The following USH2A variants were observed in gnomAD, a reference collection of about 807,000 sequenced individuals.
USH2A encodes the protein usherin.
In USH2A, 443 loss-of-function variants were observed where a neutral mutation model predicts 538.9. The ratio of observed to expected loss-of-function variants is 0.82; its 90% CI spans 0.76 to 0.89. The LOEUF (loss-of-function observed/expected upper bound fraction) is 0.89, where lower values mean the gene tolerates loss of function less well. Among genes scored for constraint, USH2A ranks in the 40% least tolerant of loss-of-function variants. The pLI is 0.00. For missense variants in USH2A, 6,633 were observed against 6,324.8 expected, an observed-to-expected ratio of 1.05 and a Z score of -1.65; for synonymous variants, 2,413 against 2,273.5, an observed-to-expected ratio of 1.06 and a Z score of -1.75.
chr1:216,113,139 A>T (rs1382577705), intron 21 of USH2A, among the ~76,000 whole-genome samples: 39 of 7,326 alleles, frequency 5.3e-3, no homozygotes, highest in African/African-American at 0.016. Context: ...CCAAATGATA[A>T]AAAAAAAAAA....
At chr1:215,638,624 A>AG in intron 69 of USH2A, among the ~76,000 whole-genome samples, 1 of 150,968 alleles carries the variant, frequency 6.6e-6, no homozygotes, top group East Asian at 2.0e-4. Flanking sequence ...GTCTCAAAAA[A>AG]AAAAAAAAAA....
chr1:215,796,366 T>C (rs1662136048), intron 50 of USH2A, among the ~76,000 whole-genome samples: 2 of 152,088 alleles, frequency 1.3e-5, no homozygotes, highest in South Asian at 4.1e-4. Flanking sequence ...TGTCACATTT[T>C]GATGATTCTC....
intron 61 of USH2A, 74 bp from the exon 62 acceptor site, chr1:215,680,450 C>G: frequency 6.8e-7 from 1 of 1,477,814 alleles, no homozygotes; most frequent in Non-Finnish European, 9.4e-7. Context: ...AAGTCATTCT[C>G]TGAACCTCAT....
chr1:216,277,835 C>G (rs1432768953), intron 11 of USH2A, among the ~76,000 whole-genome samples: 1 of 152,068 alleles, frequency 6.6e-6, no homozygotes. Context: ...TCTTTTCCTT[C>G]CCTAGTTAAA....
intron 4 of USH2A, among the ~76,000 whole-genome samples, chr1:216,354,619 G>A (rs59544613): frequency 6.6e-6 from 1 of 151,914 alleles, no homozygotes; most frequent in South Asian, 2.1e-4. Flanking sequence ...GGGCTTAGCA[G>A]CAGCCTAGAC....
rs747659770 is a variant in USH2A at position 215,799,130 on chromosome 1, C to T, written c.9740-5G>A. 1 of 1,611,636 alleles carries T rather than the reference C, an allele frequency of 6.2e-7. No individual in the cohort carries two copies. Among genetic ancestry groups the T allele is most frequent in the South Asian group, 1.1e-5 (1 of 90,708 alleles). On this transcript the variant is annotated splice_region_variant and splice_polypyrimidine_tract_variant and intron_variant, in intron 49 of 71. Transcript: ENST00000307340. ...CATCTGGACAGCATACTTCACCTGT[C>T]AATTTAGGACAATAATAATCATTAC...
intron 14 of USH2A, among the ~76,000 whole-genome samples, chr1:216,229,348 C>G (rs2035630198): frequency 6.6e-6 from 1 of 151,844 alleles, no homozygotes; most frequent in African/African-American, 2.4e-5. Flanking sequence ...CAGGGTCTCG[C>G]TCTGTTGCCC....
At chr1:215,647,960 C>T (rs759611528) in intron 66 of USH2A, among the ~76,000 whole-genome samples, 2 of 152,208 alleles carry the variant, frequency 1.3e-5, no homozygotes, top group Non-Finnish European at 2.9e-5. Flanking sequence ...CATCTACACA[C>T]ACATTGCTGT....
chr1:216,077,033 C>T (rs926479995), intron 27 of USH2A, among the ~76,000 whole-genome samples: 2 of 152,098 alleles, frequency 1.3e-5, no homozygotes, highest in African/African-American at 4.8e-5. Context: ...TTGCTATCTG[C>T]TTACTAGCCA....
chr1:215,845,440 A>G (rs774098034), intron 45 of USH2A, among the ~76,000 whole-genome samples: 3 of 151,940 alleles, frequency 2.0e-5, no homozygotes, highest in African/African-American at 7.3e-5. Flanking sequence ...TCCACCTACC[A>G]TTTCTGGTGA....
chr1:215,626,705 AGAT>A (rs1162411280), intron 71 of USH2A, among the ~76,000 whole-genome samples: 1 of 152,224 alleles, frequency 6.6e-6, no homozygotes, highest in Admixed American at 6.5e-5. Flanking sequence ...CTCTGTAGTC[AGAT>A]GATGTTTTTA....
intron 35 of USH2A, among the ~76,000 whole-genome samples, chr1:215,987,940 ATTTTT>A (rs11331717): frequency 6.6e-6 from 1 of 151,354 alleles, no homozygotes; most frequent in African/African-American, 2.4e-5. Context: ...TTAATCAGCA[ATTTTT>A]TTTTGTTTTA....
intron 20 of USH2A, among the ~76,000 whole-genome samples, chr1:216,177,571 A>T (rs1430837239): frequency 1.3e-5 from 2 of 151,942 alleles, no homozygotes; most frequent in Non-Finnish European, 2.9e-5. Flanking sequence ...CCCTGAAGTG[A>T]CCCCACCACC....
At chr1:215,777,913 T>G (rs931572406) in intron 55 of USH2A, among the ~76,000 whole-genome samples, 30 of 152,214 alleles carry the variant, frequency 2.0e-4, no homozygotes, top group African/African-American at 7.0e-4. Flanking sequence ...CTTTAAATGA[T>G]AAAGCACCAC....
chr1:216,076,340 A>G (rs1390146015), intron 27 of USH2A, among the ~76,000 whole-genome samples: 1 of 152,200 alleles, frequency 6.6e-6, no homozygotes, highest in Non-Finnish European at 1.5e-5. Context: ...TTCCAGTATC[A>G]CAGACTTAGT....
intron 58 of USH2A, among the ~76,000 whole-genome samples, chr1:215,745,380 A>C (rs1013881627): frequency 1.3e-5 from 2 of 152,182 alleles, no homozygotes; most frequent in African/African-American, 4.8e-5. Context: ...TAGGGAAACC[A>C]GTTTGAAAGT....
chr1:215,886,857 CT>C (rs1665069739), intron 41 of USH2A, among the ~76,000 whole-genome samples: 1 of 151,976 alleles, frequency 6.6e-6, no homozygotes, highest in Non-Finnish European at 1.5e-5. Flanking sequence ...TCTGAAAATA[CT>C]TATTTTTTTT....
intron 52 of USH2A, 49 bp downstream of exon 52, chr1:215,786,621 T>C: frequency 1.3e-6 from 2 of 1,598,590 alleles, no homozygotes; most frequent in Non-Finnish European, 1.7e-6. Context: ...TTTCAGCAGC[T>C]TCTCACTAAC....
Position 215,737,463 on chromosome 1 carries a change from T to C in USH2A, c.11711+3912A>G, listed in dbSNP as rs150158263. ...GACATCAACTTGATGAAGTGTTCCA[T>C]GAATATTCTAGACACAGAATTATTC... is the stretch of plus-strand genomic sequence containing the variant. On this transcript the variant is annotated intron_variant, in intron 60 of 71. Transcript: ENST00000307340. 4.6e-3 allele frequency among the ~76,000 whole-genome samples: 707 copies of C among 152,100 alleles called. 9 individuals are homozygous for C. Among genetic ancestry groups the C allele is most frequent in the African/African-American group, 0.016 (673 of 41,562 alleles).
Sources: allele counts gnomAD v4.1 joint callset (sites outside exome capture counted in the v4.1 genomes callset), GRCh38; gene constraint gnomAD v4.1.1; transcripts MANE v1.5; gene names NCBI Gene and HGNC (gene_info 2026-07-23, HGNC 2026-07-21).